MTUS2: variants seen among roughly 807,000 people sequenced by gnomAD.
MTUS2 encodes the protein microtubule associated scaffold protein 2, also known as microtubule-associated tumor suppressor candidate 2.
Under a neutral mutation model 114.1 loss-of-function variants are expected in MTUS2, and 40 were observed. The observed-to-expected ratio is 0.35, with a 90% CI of 0.27 to 0.46. The LOEUF (loss-of-function observed/expected upper bound fraction) is 0.46, where lower values mean the gene tolerates loss of function less well. MTUS2 is among the 20% of genes least tolerant of loss of function. MTUS2 has a pLI of 1.00. For missense variants in MTUS2, 1,679 were observed against 1,705.4 expected, an observed-to-expected ratio of 0.98 and a Z score of 0.27; for synonymous variants, 688 against 672.0, an observed-to-expected ratio of 1.02 and a Z score of -0.37.
At chr13:28,882,594 G>A (rs1240571794) in intron 2 of MTUS2, among the ~76,000 whole-genome samples, 1 of 151,952 alleles carries the variant, frequency 6.6e-6, no homozygotes, top group Non-Finnish European at 1.5e-5. Context: ...AACATTACCT[G>A]GGTGTGGTGA....
intron 5 of MTUS2, among the ~76,000 whole-genome samples, chr13:29,155,055 CAGA>C (rs1286278913): frequency 6.6e-6 from 1 of 152,198 alleles, no homozygotes; most frequent in South Asian, 2.1e-4. Context: ...CCAAGAAACC[CAGA>C]CCTAGTTTTT....
At chr13:29,123,632 G>A (rs1891400212) in intron 5 of MTUS2, among the ~76,000 whole-genome samples, 1 of 152,038 alleles carries the variant, frequency 6.6e-6, no homozygotes, top group Non-Finnish European at 1.5e-5. Flanking sequence ...CAGGAGAATC[G>A]CTTACACCTG....
intron 2 of MTUS2, among the ~76,000 whole-genome samples, chr13:28,905,254 C>T (rs1879918531): frequency 6.6e-6 from 1 of 151,530 alleles, no homozygotes; most frequent in Non-Finnish European, 1.5e-5. Flanking sequence ...ATTTCCTTCT[C>T]CTGCCTGATT....
At chr13:28,844,624 T>C (rs930724397) in intron 2 of MTUS2, among the ~76,000 whole-genome samples, 1 of 151,438 alleles carries the variant, frequency 6.6e-6, no homozygotes, top group South Asian at 2.1e-4. Context: ...TGTGTGTGTG[T>C]GAGAGAGAGA....
At chr13:29,122,467 C>T (rs1891350375) in intron 5 of MTUS2, among the ~76,000 whole-genome samples, 1 of 152,152 alleles carries the variant, frequency 6.6e-6, no homozygotes, top group Non-Finnish European at 1.5e-5. Flanking sequence ...CTTACAAAAC[C>T]ATCAGATCTC....
In MTUS2 at chr13:29,157,664, C is replaced by T. The variant is rs530526502; in HGVS notation, c.2644+56694C>T. Among the ~76,000 whole-genome samples the T allele has an allele frequency of 5.3e-5, 8 of 152,128 alleles. No individual in the cohort carries two copies. In the South Asian group the frequency reaches 1.5e-3, roughly 28 times the overall value. On this transcript the variant is annotated intron_variant, in intron 5 of 15. Coordinates refer to ENST00000612955, the MANE Select transcript of MTUS2 (RefSeq NM_001033602.4). ...GGAGAGACTGAACTTTCCGAAGTCT[C>T]GGGAGGAATAAGTGAAATGCTGTAT...
At chr13:28,951,578 T>G (rs1882809987) in intron 2 of MTUS2, among the ~76,000 whole-genome samples, 1 of 152,078 alleles carries the variant, frequency 6.6e-6, no homozygotes, top group Non-Finnish European at 1.5e-5. Context: ...GTGGGTAGAT[T>G]ACTTGAGGCC....
rs148076352 is a variant in MTUS2, at chr13:29,448,209, G to A, written c.3184+8160G>A. On this transcript the variant is annotated intron_variant, in intron 9 of 15. Coordinates refer to ENST00000612955, the MANE Select transcript of MTUS2 (RefSeq NM_001033602.4). ...CCAGACAGAAAACATGCAATGCAGC[G>A]GTGATACAATGGAGCCTTCTGGCTG... Among the ~76,000 whole-genome samples the A allele has an allele frequency of 5.9e-5, 9 of 152,202 alleles. No homozygotes were observed. In the East Asian group the frequency reaches 9.7e-4, roughly 16 times the overall value.
intron 8 of MTUS2, among the ~76,000 whole-genome samples, chr13:29,433,676 G>A (rs566719882): frequency 5.3e-5 from 8 of 152,150 alleles, no homozygotes; most frequent in Non-Finnish European, 1.2e-4. Flanking sequence ...TCAGATACTT[G>A]TATTTTGTTG....
At chr13:28,999,481 T>C (rs1282251228) in intron 2 of MTUS2, among the ~76,000 whole-genome samples, 1 of 152,218 alleles carries the variant, frequency 6.6e-6, no homozygotes, top group Non-Finnish European at 1.5e-5. Flanking sequence ...TTTATTTAAT[T>C]CTTGAAAGTT....
chr13:29,156,280 A>G (rs1032315346), intron 5 of MTUS2, among the ~76,000 whole-genome samples: 2 of 152,200 alleles, frequency 1.3e-5, no homozygotes, highest in East Asian at 1.9e-4. Context: ...TTTCAAAAGA[A>G]TAAGTCACAG....
intron 7 of MTUS2, among the ~76,000 whole-genome samples, chr13:29,341,564 T>G (rs1251116279): frequency 3.3e-5 from 5 of 152,196 alleles, no homozygotes; most frequent in Non-Finnish European, 5.9e-5. Flanking sequence ...ATGCATAGTT[T>G]GCAAAGATTT....
At chr13:29,029,830 G>A (rs1886734093) in intron 3 of MTUS2, among the ~76,000 whole-genome samples, 1 of 152,152 alleles carries the variant, frequency 6.6e-6, no homozygotes, top group Non-Finnish European at 1.5e-5. Context: ...AACTAATAGA[G>A]CAAGAACTTG....
chr13:29,000,189 T>A (rs1211069791), intron 2 of MTUS2, among the ~76,000 whole-genome samples: 1 of 152,214 alleles, frequency 6.6e-6, no homozygotes, highest in Admixed American at 6.5e-5. Flanking sequence ...TTTTGAGAAA[T>A]CTCCATACTG....
intron 1 of MTUS2, among the ~76,000 whole-genome samples, chr13:28,823,542 A>C (rs988004296): frequency 7.9e-5 from 12 of 151,932 alleles, no homozygotes; most frequent in Admixed American, 2.0e-4. Context: ...CCATCCACCC[A>C]CCCATCCACA....
At chr13:29,137,120 C>A (rs1892011604) in intron 5 of MTUS2, among the ~76,000 whole-genome samples, 1 of 152,146 alleles carries the variant, frequency 6.6e-6, no homozygotes, top group African/African-American at 2.4e-5. Context: ...CTGCTGCATC[C>A]TTATAAGAAC....
chr13:29,342,021 A>C (rs1405903860), intron 7 of MTUS2, among the ~76,000 whole-genome samples: 1 of 152,060 alleles, frequency 6.6e-6, no homozygotes, highest in East Asian at 1.9e-4. Context: ...GCTTATTTTC[A>C]TATGAGTACC....
chr13:29,316,275 T>C (rs1471041679), intron 6 of MTUS2, among the ~76,000 whole-genome samples: 1 of 152,142 alleles, frequency 6.6e-6, no homozygotes, highest in Admixed American at 6.5e-5. Flanking sequence ...TGGCAACCAT[T>C]TGAGAAAACT....
intron 7 of MTUS2, among the ~76,000 whole-genome samples, chr13:29,357,384 T>A (rs547676168): frequency 6.6e-6 from 1 of 152,354 alleles, no homozygotes; most frequent in East Asian, 1.9e-4. Flanking sequence ...TATTATTTCC[T>A]TTAGATTTCT....
Sources: gnomAD v4.1 joint callset for allele counts (sites outside exome capture counted in the v4.1 genomes callset) on GRCh38, gnomAD v4.1.1 for gene constraint, MANE v1.5 for transcripts, NCBI Gene and HGNC (gene_info 2026-07-23, HGNC 2026-07-21) for gene names.